The following RGS17 variants were observed in gnomAD, a reference collection of about 807,000 sequenced individuals.
RGS17 encodes the protein regulator of G protein signaling 17, also known as regulator of G-protein signaling 17.
A neutral mutation model predicts 25.5 loss-of-function variants in RGS17; 12 were observed. The ratio of observed to expected loss-of-function variants is 0.47; its 90% confidence interval spans 0.30 to 0.76. The LOEUF (loss-of-function observed/expected upper bound fraction) is 0.76. Among genes scored for constraint, RGS17 ranks in the 30% least tolerant of loss-of-function variants. The probability of loss-of-function intolerance (pLI) is 0.07; values close to 1 mark genes in which losing one functional copy is unlikely to be tolerated. For missense variants in RGS17, 196 were observed against 242.2 expected (o/e 0.81, Z 1.27); for synonymous variants, 71 against 76.9 (o/e 0.92, Z 0.40).
At chr6:153,099,437 A>G (rs1777262253) in intron 1 of RGS17, among the ~76,000 whole-genome samples, 1 of 152,208 alleles carries the variant, frequency 6.6e-6, no homozygotes, top group Non-Finnish European at 1.5e-5. Context: ...CCCTGACTTA[A>G]CTTGAATTAT....
chr6:153,026,358 A>C lies in RGS17; in HGVS notation c.209+96T>G, dbSNP rs1779301507. On this transcript the variant is annotated intron_variant, in intron 3 of 4. Coordinates refer to ENST00000206262, the MANE Select transcript of RGS17 (RefSeq NM_012419.5). Reference sequence around the variant, plus strand: ...CATTCACTTCCCAAAATCATTTTGAAGAGTACCATGAAGCAAGGGGTAATA... The same window carrying C: ...CATTCACTTCCCAAAATCATTTTGACGAGTACCATGAAGCAAGGGGTAATA... The C allele has an allele frequency of 2.8e-5, 19 of 687,460 alleles. No homozygotes were observed. In the East Asian group the frequency reaches 5.6e-4, roughly 20 times the overall value. 42.6% of individuals were successfully genotyped at this position (687,460 alleles called of 1,614,324 possible). A position where few individuals can be genotyped will look rare whatever the true frequency, so the allele number is the denominator to read the frequency against.
At chr6:153,109,137 C>T (rs910281858) in intron 1 of RGS17, among the ~76,000 whole-genome samples, 1 of 151,864 alleles carries the variant, frequency 6.6e-6, no homozygotes, top group Admixed American at 6.6e-5. Context: ...TAGTTTCTTA[C>T]TCCATGGTTT....
In RGS17 at chr6:153,118,093, C is replaced by T. The variant is rs371092478; in HGVS notation, c.-26+13031G>A. On this transcript the variant is annotated intron_variant, in intron 1 of 4. Transcript: ENST00000206262. ...GTTAGGCAGAGGGAGTGGCAAGTGC[C>T]AAGGAAAGGAGGTTGCAGGGCACTT... Among the ~76,000 whole-genome samples the T allele has an allele frequency of 3.2e-4, 48 of 152,230 alleles. 7 individuals are homozygous for T. Among genetic ancestry groups the T allele is most frequent in the Admixed American group, 2.1e-3 (32 of 15,290 alleles).
chr6:153,118,166 C>T lies in RGS17; in HGVS notation c.-26+12958G>A, dbSNP rs546685557. 8.5e-5 allele frequency among the ~76,000 whole-genome samples: 13 copies of T among 152,318 alleles called. No individual in the cohort carries two copies. In the South Asian group the frequency reaches 2.7e-3, roughly 32 times the overall value. On this transcript the variant is annotated intron_variant, in intron 1 of 4. Coordinates refer to ENST00000206262, the MANE Select transcript of RGS17 (RefSeq NM_012419.5). ...ATGGAACTATCCTTGCATCTCCTCTCTTGGATGTCCTCTTCCCTAATGCTC... is the reference window on the plus strand; with the variant it reads ...ATGGAACTATCCTTGCATCTCCTCTTTTGGATGTCCTCTTCCCTAATGCTC...
chr6:153,070,975 G>A (rs1410433358), intron 1 of RGS17, among the ~76,000 whole-genome samples: 2 of 147,882 alleles, frequency 1.4e-5, no homozygotes, highest in Non-Finnish European at 3.0e-5. Context: ...ACGTGTATAT[G>A]TACACACATG....
chr6:153,045,327 C>A (rs1776373628), intron 1 of RGS17, among the ~76,000 whole-genome samples: 1 of 152,040 alleles, frequency 6.6e-6, no homozygotes, highest in Admixed American at 6.6e-5. Context: ...AGGTTGCCTG[C>A]AAAAAATCAG....
At chr6:153,023,651 T>A (rs673999) in intron 4 of RGS17, among the ~76,000 whole-genome samples, 99,560 of 152,128 alleles carry the variant, frequency 0.65, 32,952 homozygotes, top group African/African-American at 0.75. Context: ...GAATAAGTAA[T>A]ATAATTTCCA....
chr6:153,070,039 C>T (rs950999494), intron 1 of RGS17, among the ~76,000 whole-genome samples: 5 of 152,056 alleles, frequency 3.3e-5, no homozygotes, highest in Non-Finnish European at 5.9e-5. Flanking sequence ...ACTCAGCACT[C>T]CTCACATAGC....
At chr6:153,054,750 T>A (rs879644036) in intron 1 of RGS17, among the ~76,000 whole-genome samples, 7 of 149,292 alleles carry the variant, frequency 4.7e-5, no homozygotes, top group Non-Finnish European at 1.0e-4. Flanking sequence ...AAAAAAAACA[T>A]CATAGGCAAA....
chr6:153,130,249 A>C lies in RGS17; in HGVS notation c.-26+875T>G, dbSNP rs987095011. Among the ~76,000 whole-genome samples, 5 of 152,160 alleles carry C rather than the reference A, an allele frequency of 3.3e-5. No homozygotes were observed. Among genetic ancestry groups the C allele is most frequent in the African/African-American group, 1.2e-4 (5 of 41,460 alleles). ...ACAGCAGGGAGGCTGGCGGGGAGGC[A>C]GAGATTAAACTATGATTCCATCGAT... On this transcript the variant is annotated intron_variant, in intron 1 of 4. Transcript: ENST00000206262. The surrounding 1 kb of genome is among the most constrained non-coding windows in gnomAD (Gnocchi z 6.4).
chr6:153,089,358 G>A (rs1364134351), intron 1 of RGS17, among the ~76,000 whole-genome samples: 1 of 152,066 alleles, frequency 6.6e-6, no homozygotes, highest in African/African-American at 2.4e-5. Context: ...AGAACTCTAA[G>A]AGTTCATCTA....
At chr6:153,050,241 A>T (rs1776443824) in intron 1 of RGS17, among the ~76,000 whole-genome samples, 1 of 152,200 alleles carries the variant, frequency 6.6e-6, no homozygotes, top group African/African-American at 2.4e-5. Context: ...TATAAGATCA[A>T]GCTCAAAAGG....
chr6:153,094,128 T>A (rs559339235), intron 1 of RGS17, among the ~76,000 whole-genome samples: 1 of 151,356 alleles, frequency 6.6e-6, no homozygotes, highest in Non-Finnish European at 1.5e-5. Flanking sequence ...CAGGCTGGAG[T>A]GCAGTGGCAT....
intron 1 of RGS17, among the ~76,000 whole-genome samples, chr6:153,073,113 G>A (rs1776830308): frequency 6.6e-6 from 1 of 152,206 alleles, no homozygotes; most frequent in Admixed American, 6.5e-5. Context: ...TTTGTAGGAT[G>A]TAGGTGTCCC....
intron 1 of RGS17, among the ~76,000 whole-genome samples, chr6:153,071,341 T>TAA (rs1776800918): frequency 6.6e-6 from 1 of 151,952 alleles, no homozygotes; most frequent in African/African-American, 2.4e-5. Context: ...ACAGAGTAGG[T>TAA]ACTTGGCTCT....
intron 1 of RGS17, among the ~76,000 whole-genome samples, chr6:153,056,231 A>G (rs928341135): frequency 6.6e-6 from 1 of 152,226 alleles, no homozygotes; most frequent in Non-Finnish European, 1.5e-5. Context: ...TCAGAAGACT[A>G]AAAGGAGGAG....
rs1273754426 is a variant in RGS17 at position 153,010,076 on chromosome 6, A to G, written c.*1498T>C. ...ATGACAAAGAAAACCTGTAACTGTA[A>G]TATCATCCTTAATATAAGGCCAGTG... On this transcript the variant is annotated 3_prime_UTR_variant, in exon 5 of 5. Coordinates refer to ENST00000206262, the MANE Select transcript of RGS17 (RefSeq NM_012419.5). 6.6e-6 allele frequency: 1 copy of G among 151,946 alleles called. No homozygotes were observed. The highest frequency in any genetic ancestry group is 1.5e-5 in the Non-Finnish European group (1 of 67,838). 9.4% of individuals were successfully genotyped at this position (151,946 alleles called of 1,614,324 possible).
rs1584113613 is a variant in RGS17 at position 153,005,182 on chromosome 6, CTT to C, written c.*6390_*6391del. On this transcript the variant is annotated 3_prime_UTR_variant, in exon 5 of 5. Coordinates refer to ENST00000206262, the MANE Select transcript of RGS17 (RefSeq NM_012419.5). ...TGGTTAGTTTAAATTTAAATTACCT[CTT>C]ATGACAATTAGTAAGATAAGATCTT... 1 of 152,106 alleles carries C rather than the reference CTT, an allele frequency of 6.6e-6. No individual in the cohort carries two copies. The highest frequency in any genetic ancestry group is 1.5e-5 in the Non-Finnish European group (1 of 68,016). The allele number at this position is 152,106 out of a possible 1,614,324, so 9.4% of individuals were successfully genotyped here.
chr6:153,118,806 TACTC>T (rs1393780646), intron 1 of RGS17, among the ~76,000 whole-genome samples: 1 of 152,198 alleles, frequency 6.6e-6, no homozygotes, highest in Non-Finnish European at 1.5e-5. Flanking sequence ...GTCTTGATCT[TACTC>T]ACCCTTTCTG....
Sources: allele counts gnomAD v4.1 joint callset (sites outside exome capture counted in the v4.1 genomes callset), GRCh38; gene constraint gnomAD v4.1.1; non-coding constraint Gnocchi (gnomAD v3.1); transcripts MANE v1.5; gene names NCBI Gene and HGNC (gene_info 2026-07-23, HGNC 2026-07-21).